ADAT2: variants seen among roughly 807,000 people sequenced by gnomAD.
ADAT2 encodes adenosine deaminase tRNA specific 2.
ADAT2 carries 26 observed loss-of-function variants against 25.9 expected under a neutral mutation model. The observed-to-expected ratio is 1.00, with a 90% CI of 0.74 to 1.39. The LOEUF (loss-of-function observed/expected upper bound fraction) is 1.39. Among genes scored for constraint, ADAT2 ranks in the 40% most tolerant of loss-of-function variants. The pLI, the probability that ADAT2 is intolerant of heterozygous loss-of-function variation, is 0.00. For missense variants in ADAT2, 220 were observed against 244.8 expected, an observed-to-expected ratio of 0.90 and a Z score of 0.68; for synonymous variants, 76 against 86.8, an observed-to-expected ratio of 0.88 and a Z score of 0.69.
chr6:143,438,558 A>G (rs767177781), intron 2 of ADAT2, 32 bp downstream of exon 2: 1 of 1,532,960 alleles, frequency 6.5e-7, no homozygotes, highest in Non-Finnish European at 9.0e-7. Context: ...TCACTACTGT[A>G]TGTTTGCAAT....
Position 143,444,999 on chromosome 6 carries a change from A to T in ADAT2, c.96+5564T>A. Reference sequence around the variant, plus strand: ...AAAGACAAAAAATTAGGGGGAACAAACAAGTTAGCCAGAACTCTCAGGTAG... The same window carrying T: ...AAAGACAAAAAATTAGGGGGAACAATCAAGTTAGCCAGAACTCTCAGGTAG... On this transcript the variant is annotated intron_variant, in intron 1 of 5. Transcript: ENST00000237283. The surrounding 1 kb of genome is among the most constrained non-coding windows in gnomAD (Gnocchi z 4.3). The T allele has an allele frequency of 7.8e-7, 1 of 1,289,318 alleles. No homozygotes were observed. The highest frequency in any genetic ancestry group is 1.0e-6 in the Non-Finnish European group (1 of 975,874). 79.9% of individuals were successfully genotyped at this position (1,289,318 alleles called of 1,614,324 possible). A position where few individuals can be genotyped will look rare whatever the true frequency, so the allele number is the denominator to read the frequency against.
chr6:143,434,085 C>A lies in ADAT2; in HGVS notation c.202-104G>T. The A allele has an allele frequency of 1.4e-6, 2 of 1,406,464 alleles. No individual in the cohort carries two copies. Among genetic ancestry groups the A allele is most frequent in the Non-Finnish European group, 1.9e-6 (2 of 1,028,218 alleles). The allele number at this position is 1,406,464 out of a possible 1,614,324, so 87.1% of individuals were successfully genotyped here. A position where few individuals can be genotyped will look rare whatever the true frequency, so the allele number is the denominator to read the frequency against. ...CAAAATATGCGCCTATCCTTTCTGC[C>A]AATATTTTAATGAATACAGTTTCAA... is the stretch of plus-strand genomic sequence containing the variant. On this transcript the variant is annotated intron_variant, in intron 2 of 5. Transcript: ENST00000237283. The surrounding 1 kb of genome is among the most constrained non-coding windows in gnomAD (Gnocchi z 4.5).
Position 143,423,972 on chromosome 6 carries a change from C to G in ADAT2, c.*4491G>C, listed in dbSNP as rs1223975710. On this transcript the variant is annotated 3_prime_UTR_variant, in exon 6 of 6. Coordinates refer to ENST00000237283, the MANE Select transcript of ADAT2 (RefSeq NM_182503.3). ...GGAGAGAGCCTTTGTCAAACTACACCATGAAGCCTCCTTAATAGTCATGGA... is the reference window on the plus strand; with the variant it reads ...GGAGAGAGCCTTTGTCAAACTACACGATGAAGCCTCCTTAATAGTCATGGA... 1 of 152,170 alleles carries G rather than the reference C, an allele frequency of 6.6e-6. No homozygotes were observed. The highest frequency in any genetic ancestry group is 2.4e-5 in the African/African-American group (1 of 41,428). The allele number at this position is 152,170 out of a possible 1,614,324, so 9.4% of individuals were successfully genotyped here.
rs529515361 is a variant in ADAT2, at chr6:143,424,169, T to C, written c.*4294A>G. ...CGTCGCCCATCGCTCCTTTCCTCAC[T>C]ACACAAAATTAGCAATTTACAAAGG... On this transcript the variant is annotated 3_prime_UTR_variant, in exon 6 of 6. Coordinates refer to ENST00000237283, the MANE Select transcript of ADAT2 (RefSeq NM_182503.3). This position sits in a 1 kb window ranked among gnomAD's most constrained non-coding sequence, Gnocchi z 4.8. The C allele has an allele frequency of 1.4e-4, 22 of 152,304 alleles. No individual in the cohort carries two copies. The highest frequency in any genetic ancestry group is 5.3e-4 in the African/African-American group (22 of 41,552). The allele number at this position is 152,304 out of a possible 1,614,324, so 9.4% of individuals were successfully genotyped here.
In ADAT2 at chr6:143,432,435, G is replaced by T; in HGVS notation, c.459+70C>A. On this transcript the variant is annotated intron_variant, in intron 4 of 5. Transcript: ENST00000237283. The surrounding 1 kb of genome is among the most constrained non-coding windows in gnomAD (Gnocchi z 4.4). The stretch of plus-strand genomic sequence containing the variant: ...TTCTTCGTATACTGGCCACACACTA[G>T]TTATTCACAAGCCCATAAAGAGATG... 7.2e-7 allele frequency: 1 copy of T among 1,380,096 alleles called. No individual in the cohort carries two copies. Among genetic ancestry groups the T allele is most frequent in the Non-Finnish European group, 1.0e-6 (1 of 972,052 alleles). 85.5% of individuals were successfully genotyped at this position (1,380,096 alleles called of 1,614,324 possible).
In ADAT2 at chr6:143,432,660, T is replaced by C; in HGVS notation, c.353-49A>G. 2 of 1,578,226 alleles carry C rather than the reference T, an allele frequency of 1.3e-6. No individual in the cohort carries two copies. The highest frequency in any genetic ancestry group is 1.7e-6 in the Non-Finnish European group (2 of 1,147,988). ...ATAGAATGTACATTTCAAGTATGTA[T>C]CGTGACAAAATCAGAGTAGGTTTAT... On this transcript the variant is annotated intron_variant, in intron 3 of 5. Coordinates refer to ENST00000237283, the MANE Select transcript of ADAT2 (RefSeq NM_182503.3). This position sits in a 1 kb window ranked among gnomAD's most constrained non-coding sequence, Gnocchi z 4.4.
intron 3 of ADAT2, 72 bp downstream of exon 3, chr6:143,433,759 A>G: frequency 2.8e-6 from 4 of 1,421,552 alleles, no homozygotes; most frequent in Non-Finnish European, 3.7e-6. Context: ...TTTGGAAAAC[A>G]GGCTACGTGT....
intron 3 of ADAT2, 148 bp downstream of exon 3, chr6:143,433,682 CT>C (rs1463019357): frequency 2.9e-6 from 2 of 698,406 alleles, no homozygotes; most frequent in Admixed American, 3.7e-5. Flanking sequence ...ATTTAAAAAG[CT>C]TTTCTTTTTT....
intron 1 of ADAT2, among the ~76,000 whole-genome samples, chr6:143,439,503 G>A (rs1210339905): frequency 3.9e-5 from 6 of 152,040 alleles, no homozygotes; most frequent in Admixed American, 2.0e-4. Flanking sequence ...AATACTAGTC[G>A]GCAATAAAAA....
Position 143,425,407 on chromosome 6 carries a change from A to G in ADAT2, c.*3056T>C, listed in dbSNP as rs1016060772. 2.0e-5 allele frequency: 3 copies of G among 152,950 alleles called. No individual in the cohort carries two copies. Among genetic ancestry groups the G allele is most frequent in the African/African-American group, 7.3e-5 (3 of 40,864 alleles). 9.5% of individuals were successfully genotyped at this position (152,950 alleles called of 1,614,324 possible). On this transcript the variant is annotated 3_prime_UTR_variant, in exon 6 of 6. Transcript: ENST00000237283. Reference sequence around the variant, plus strand: ...GTGACATGAGTCTGTGGTCCCAGCTACTCAGGAGGCTGAGGAGGAAGGATT... The same window carrying G: ...GTGACATGAGTCTGTGGTCCCAGCTGCTCAGGAGGCTGAGGAGGAAGGATT...
rs1325848275 is a variant in ADAT2, at chr6:143,442,401, G to C, written c.97-3707C>G. On this transcript the variant is annotated intron_variant, in intron 1 of 5. Transcript: ENST00000237283. The surrounding 1 kb of genome is among the most constrained non-coding windows in gnomAD (Gnocchi z 4.6). ...TGCAGCTATAAAGAGGTAGCACAAGGGAGCCATGTGGTAGTGAAACAGTTC... is the reference window on the plus strand; with the variant it reads ...TGCAGCTATAAAGAGGTAGCACAAGCGAGCCATGTGGTAGTGAAACAGTTC... Among the ~76,000 whole-genome samples, 1 of 151,356 alleles carries C rather than the reference G, an allele frequency of 6.6e-6. No homozygotes were observed. Among genetic ancestry groups the C allele is most frequent in the Non-Finnish European group, 1.5e-5 (1 of 67,928 alleles).
chr6:143,438,523 T>C (rs1310209586), intron 2 of ADAT2, 67 bp downstream of exon 2: 1 of 1,262,394 alleles, frequency 7.9e-7, no homozygotes, highest in Non-Finnish European at 1.2e-6. Flanking sequence ...ACACCAACTG[T>C]GGTAAATTCT....
rs1778835191 is a variant in ADAT2 at position 143,423,281 on chromosome 6, G to A, written c.*5182C>T. ...CAAATGGGCATGGCTGTCATCCAAT[G>A]TAACTTTATTTATGGACACTGAAAT... On this transcript the variant is annotated 3_prime_UTR_variant, in exon 6 of 6. Transcript: ENST00000237283. 1 of 152,216 alleles carries A rather than the reference G, an allele frequency of 6.6e-6. No individual in the cohort carries two copies. Among genetic ancestry groups the A allele is most frequent in the African/African-American group, 2.4e-5 (1 of 41,450 alleles). 9.4% of individuals were successfully genotyped at this position (152,216 alleles called of 1,614,324 possible). A position where few individuals can be genotyped will look rare whatever the true frequency, so the allele number is the denominator to read the frequency against.
intron 1 of ADAT2, among the ~76,000 whole-genome samples, chr6:143,439,762 G>T (rs191622535): frequency 6.6e-6 from 1 of 152,238 alleles, no homozygotes; most frequent in Admixed American, 6.5e-5. Flanking sequence ...TAAAGACATG[G>T]ATTACAGAGA....
At position 143,444,310 on chromosome 6, in the gene ADAT2, TGAG is replaced by T. The variant is rs1351298459; in HGVS notation, c.97-5619_97-5617del. ...TGAGGAATGGCCGAGCCTGCCATGC[TGAG>T]GATGAGTGGGTAAGCAACTGGAATG... On this transcript the variant is annotated intron_variant, in intron 1 of 5. Coordinates refer to ENST00000237283, the MANE Select transcript of ADAT2 (RefSeq NM_182503.3). This position sits in a 1 kb window ranked among gnomAD's most constrained non-coding sequence, Gnocchi z 4.3. Among the ~76,000 whole-genome samples the T allele has an allele frequency of 3.3e-5, 5 of 152,150 alleles. No individual in the cohort carries two copies. Among genetic ancestry groups the T allele is most frequent in the Non-Finnish European group, 7.3e-5 (5 of 68,030 alleles).
At position 143,428,594 on chromosome 6, in the gene ADAT2, C is replaced by A. The variant is rs375720068; in HGVS notation, c.532+18G>T. The A allele has an allele frequency of 5.1e-5, 82 of 1,613,658 alleles. No individual in the cohort carries two copies. The African/African-American group carries it at 1.0e-3, about 20-fold the overall frequency. ...TATGGATTTAAGGGAAGGACATTAT[C>A]CACAACAGAAAACTGACCATTTGGA... On this transcript the variant is annotated intron_variant, in intron 5 of 5. Coordinates refer to ENST00000237283, the MANE Select transcript of ADAT2 (RefSeq NM_182503.3). The surrounding 1 kb of genome is among the most constrained non-coding windows in gnomAD (Gnocchi z 5.0).
rs1779552607 is a variant in ADAT2 at position 143,444,693 on chromosome 6, T to A, written c.96+5870A>T. Reference sequence around the variant, plus strand: ...AGGTTTTTCATAAAGTAACAAATGATCAACCTTCAAAATTAAAGAATAAAA... The same window carrying A: ...AGGTTTTTCATAAAGTAACAAATGAACAACCTTCAAAATTAAAGAATAAAA... On this transcript the variant is annotated intron_variant, in intron 1 of 5. Coordinates refer to ENST00000237283, the MANE Select transcript of ADAT2 (RefSeq NM_182503.3). The surrounding 1 kb of genome is among the most constrained non-coding windows in gnomAD (Gnocchi z 4.3). 6.1e-6 allele frequency: 1 copy of A among 163,068 alleles called. No individual in the cohort carries two copies. Among genetic ancestry groups the A allele is most frequent in the Non-Finnish European group, 1.4e-5 (1 of 73,470 alleles). The allele number at this position is 163,068 out of a possible 1,614,324, so 10.1% of individuals were successfully genotyped here.
rs1779561843 is a variant in ADAT2 at position 143,445,029 on chromosome 6, T to A, written c.96+5534A>T. The A allele has an allele frequency of 6.2e-6, 7 of 1,125,668 alleles. No homozygotes were observed. The South Asian group carries it at 7.9e-5, about 13-fold the overall frequency. 69.7% of individuals were successfully genotyped at this position (1,125,668 alleles called of 1,614,324 possible). On this transcript the variant is annotated intron_variant, in intron 1 of 5. Transcript: ENST00000237283. The stretch of plus-strand genomic sequence containing the variant: ...TTAGCCAGAACTCTCAGGTAGAACA[T>A]CATCCTGTCCAAAAGGCTAAACTAT...
chr6:143,431,294 T>C (rs1178665844), intron 4 of ADAT2, among the ~76,000 whole-genome samples: 1 of 152,256 alleles, frequency 6.6e-6, no homozygotes, highest in Non-Finnish European at 1.5e-5. Flanking sequence ...TGTGCCCTCA[T>C]GTCACTGACA....
Sources: allele counts gnomAD v4.1 joint callset (sites outside exome capture counted in the v4.1 genomes callset), GRCh38; gene constraint gnomAD v4.1.1; non-coding constraint Gnocchi (gnomAD v3.1); transcripts MANE v1.5; gene names NCBI Gene and HGNC (gene_info 2026-07-23, HGNC 2026-07-21).